Variants in SURF4 observed in about 807,000 individuals in gnomAD.
The protein encoded by SURF4 is surfeit locus protein 4.
In SURF4, 3 loss-of-function variants were observed where a neutral mutation model predicts 30.0. The observed-to-expected ratio is 0.10, with a 90% CI of 0.05 to 0.26. The LOEUF is 0.26. Among genes scored for constraint, SURF4 ranks in the 10% least tolerant of loss-of-function variants. The pLI is 1.00. For missense variants in SURF4, 217 were observed against 350.8 expected (o/e 0.62, Z 3.05); for synonymous variants, 143 against 139.9 (o/e 1.02, Z -0.16).
intron 1 of SURF4, among the ~76,000 whole-genome samples, chr9:133,373,389 G>A (rs1216227205): frequency 6.6e-6 from 1 of 152,234 alleles, no homozygotes; most frequent in African/African-American, 2.4e-5. Context: ...AAGGTCAGGT[G>A]TTTGAGACCA....
In SURF4 at chr9:133,363,997, C is replaced by T. The variant is rs2130097825; in HGVS notation, c.544-238G>A. ...GAAGACTGAAGTTCCCAACTAGTAA[C>T]AGGCTGTGATTTACCAAGATGAATC... On this transcript the variant is annotated intron_variant, in intron 5 of 5. Coordinates refer to ENST00000371989, the MANE Select transcript of SURF4 (RefSeq NM_033161.4). The surrounding 1 kb of genome is among the most constrained non-coding windows in gnomAD (Gnocchi z 4.3). 4.2e-6 allele frequency: 3 copies of T among 707,838 alleles called. No homozygotes were observed. The highest frequency in any genetic ancestry group is 7.8e-6 in the Non-Finnish European group (3 of 382,754). The allele number at this position is 707,838 out of a possible 1,614,324, so 43.8% of individuals were successfully genotyped here. A position where few individuals can be genotyped will look rare whatever the true frequency, so the allele number is the denominator to read the frequency against.
At position 133,363,890 on chromosome 9, in the gene SURF4, C is replaced by G. The variant is rs2130095710; in HGVS notation, c.544-131G>C. The G allele has an allele frequency of 8.5e-7, 1 of 1,175,130 alleles. No homozygotes were observed. The highest frequency in any genetic ancestry group is 1.2e-6 in the Non-Finnish European group (1 of 800,720). The allele number at this position is 1,175,130 out of a possible 1,614,324, so 72.8% of individuals were successfully genotyped here. ...GCTGATGTAGCTACTGCTGAGACGGCTGCTGGTGCAAGTAGGGAGATAAAA... is the reference window on the plus strand; with the variant it reads ...GCTGATGTAGCTACTGCTGAGACGGGTGCTGGTGCAAGTAGGGAGATAAAA... On this transcript the variant is annotated intron_variant, in intron 5 of 5. Transcript: ENST00000371989. This position sits in a 1 kb window ranked among gnomAD's most constrained non-coding sequence, Gnocchi z 4.3.
chr9:133,369,808 C>G (rs1395556736), intron 1 of SURF4, among the ~76,000 whole-genome samples: 1 of 152,224 alleles, frequency 6.6e-6, no homozygotes, highest in East Asian at 1.9e-4. Flanking sequence ...GCTGGGAAGC[C>G]CCAGCAAGGA....
rs1836939466 is a variant in SURF4, at chr9:133,363,325, C to T, written c.*168G>A. 8.9e-7 allele frequency: 1 copy of T among 1,126,802 alleles called. No individual in the cohort carries two copies. Among genetic ancestry groups the T allele is most frequent in the South Asian group, 1.3e-5 (1 of 75,014 alleles). The allele number at this position is 1,126,802 out of a possible 1,614,324, so 69.8% of individuals were successfully genotyped here. On this transcript the variant is annotated 3_prime_UTR_variant, in exon 6 of 6. Transcript: ENST00000371989. The surrounding 1 kb of genome is among the most constrained non-coding windows in gnomAD (Gnocchi z 4.3). ...ACTGTGGCTCCAGAGCAGACTGAGC[C>T]ATCGATTCTCAGGTGTCTCTGCAAA... is the stretch of plus-strand genomic sequence containing the variant.
In SURF4 at chr9:133,363,664, A is replaced by G; in HGVS notation, c.639T>C (p.Phe213=). 4 of 1,614,262 alleles carry G rather than the reference A, an allele frequency of 2.5e-6. No individual in the cohort carries two copies. The South Asian group carries it at 3.3e-5, about 13-fold the overall frequency. Residue 213 remains phenylalanine, a synonymous_variant, in exon 6 of 6, where the codon TTT becomes TTC. Transcript: ENST00000371989. The surrounding 1 kb of genome is among the most constrained non-coding windows in gnomAD (Gnocchi z 4.3). ...LAALTLVVWL[F]AINVYFNAFW... ...AGGCGTTGAAATATACGTTGATGGC[A>G]AAGAGCCACACAACAAGAGTCAAAG...
intron 1 of SURF4, among the ~76,000 whole-genome samples, chr9:133,372,996 C>G (rs2130201709): frequency 6.6e-6 from 1 of 152,212 alleles, no homozygotes; most frequent in Non-Finnish European, 1.5e-5. Context: ...GATCATCTGA[C>G]GGCGGCAGCC....
In SURF4 at chr9:133,363,929, A is replaced by G. The variant is rs1259048100; in HGVS notation, c.544-170T>C. The G allele has an allele frequency of 7.3e-6, 6 of 824,170 alleles. No individual in the cohort carries two copies. The highest frequency in any genetic ancestry group is 8.3e-6 in the Non-Finnish European group (4 of 482,972). The allele number at this position is 824,170 out of a possible 1,614,324, so 51.1% of individuals were successfully genotyped here. ...AGGGAGATAAAAGCCAAAGGGAGGCAGGAGGCAATAAAGCACCAGCTTTGA... is the reference window on the plus strand; with the variant it reads ...AGGGAGATAAAAGCCAAAGGGAGGCGGGAGGCAATAAAGCACCAGCTTTGA... On this transcript the variant is annotated intron_variant, in intron 5 of 5. Coordinates refer to ENST00000371989, the MANE Select transcript of SURF4 (RefSeq NM_033161.4). The surrounding 1 kb of genome is among the most constrained non-coding windows in gnomAD (Gnocchi z 4.3).
At chr9:133,366,554 C>T in intron 3 of SURF4, 45 bp downstream of exon 3, 1 of 1,578,942 alleles carries the variant, frequency 6.3e-7, no homozygotes, top group Non-Finnish European at 8.7e-7. Flanking sequence ...AGCTCTGCTC[C>T]ACCAGAGCAA....
At position 133,363,841 on chromosome 9, in the gene SURF4, C is replaced by T. The variant is rs2130094240; in HGVS notation, c.544-82G>A. On this transcript the variant is annotated intron_variant, in intron 5 of 5. Transcript: ENST00000371989. The surrounding 1 kb of genome is among the most constrained non-coding windows in gnomAD (Gnocchi z 4.3). The stretch of plus-strand genomic sequence containing the variant: ...ATAAACAAAAGTTCCAGCTGCTGCA[C>T]GTCATGAAGTCTCTATCCATCAGGC... The T allele has an allele frequency of 3.3e-6, 5 of 1,536,960 alleles. No individual in the cohort carries two copies. Among genetic ancestry groups the T allele is most frequent in the East Asian group, 4.6e-5 (2 of 43,530 alleles).
intron 1 of SURF4, chr9:133,367,685 G>A (rs1258891757): frequency 2.9e-5 from 34 of 1,157,552 alleles, no homozygotes; most frequent in Non-Finnish European, 3.9e-5. Flanking sequence ...TGCATGACTT[G>A]ACGTTAGGCC....
At chr9:133,367,976 C>G (rs1056648306) in intron 1 of SURF4, among the ~76,000 whole-genome samples, 2 of 152,230 alleles carry the variant, frequency 1.3e-5, no homozygotes, top group African/African-American at 4.8e-5. Context: ...CTATGACGCA[C>G]GACATGTCTG....
rs1335452841 is a variant in SURF4 at position 133,375,166 on chromosome 9, C to T, written c.48+756G>A. 6.3e-6 allele frequency: 6 copies of T among 955,628 alleles called. No homozygotes were observed. The African/African-American group carries it at 1.1e-4, about 17-fold the overall frequency. The allele number at this position is 955,628 out of a possible 1,614,324, so 59.2% of individuals were successfully genotyped here. ...ACTTTGTAGGATCGGATCCTGTCCA[C>T]CCAGTTCCCGAATGCTCTCAACAGT... On this transcript the variant is annotated intron_variant, in intron 1 of 5. Transcript: ENST00000371989.
At chr9:133,365,302 T>G (rs1041488641) in intron 4 of SURF4, among the ~76,000 whole-genome samples, 1 of 152,156 alleles carries the variant, frequency 6.6e-6, no homozygotes, top group South Asian at 2.1e-4. Context: ...CGAGTCCTAG[T>G]CACAGCTTCA....
In SURF4 at chr9:133,375,993, GGCTCGCTC is replaced by G; in HGVS notation, c.-32_-25del. 2.5e-6 allele frequency: 3 copies of G among 1,223,834 alleles called. No homozygotes were observed. The highest frequency in any genetic ancestry group is 1.0e-6 in the Non-Finnish European group (1 of 980,444). 75.8% of individuals were successfully genotyped at this position (1,223,834 alleles called of 1,614,324 possible). On this transcript the variant is annotated 5_prime_UTR_variant, in exon 1 of 6. Coordinates refer to ENST00000371989, the MANE Select transcript of SURF4 (RefSeq NM_033161.4). Reference sequence around the variant, plus strand: ...ATGGCGACGGCGGGAGGCTCGGCTCGGCTCGCTCGCTCGCTCGCTGGCTCTCGCCCGTC... The same window carrying G: ...ATGGCGACGGCGGGAGGCTCGGCTCGGCTCGCTCGCTGGCTCTCGCCCGTC...
At position 133,362,622 on chromosome 9, in the gene SURF4, A is replaced by G. The variant is rs1019212190; in HGVS notation, c.*871T>C. On this transcript the variant is annotated 3_prime_UTR_variant, in exon 6 of 6. Coordinates refer to ENST00000371989, the MANE Select transcript of SURF4 (RefSeq NM_033161.4). The stretch of plus-strand genomic sequence containing the variant: ...CTCCAGTGCTGGGAGCTCCTGCCAC[A>G]CCCCCTGCCCACAGCGGCTGCGGCT... The G allele has an allele frequency of 1.3e-5, 2 of 152,560 alleles. No individual in the cohort carries two copies. The highest frequency in any genetic ancestry group is 4.8e-5 in the African/African-American group (2 of 41,366). The allele number at this position is 152,560 out of a possible 1,614,324, so 9.5% of individuals were successfully genotyped here. A position where few individuals can be genotyped will look rare whatever the true frequency, so the allele number is the denominator to read the frequency against.
intron 5 of SURF4, 64 bp downstream of exon 5, chr9:133,364,775 AG>A: frequency 1.5e-6 from 2 of 1,342,392 alleles, no homozygotes; most frequent in Non-Finnish European, 2.0e-6. Context: ...GTGAGCAGGG[AG>A]GGGGTGGGGG....
At chr9:133,366,766 G>T in intron 2 of SURF4, 91 bp from the exon 3 acceptor site, 1 of 1,243,700 alleles carries the variant, frequency 8.0e-7, no homozygotes, top group Non-Finnish European at 1.1e-6. Flanking sequence ...TGGCCCTTAG[G>T]TCCAGAGGCA....
chr9:133,371,027 T>C, intron 1 of SURF4: 1 of 1,277,896 alleles, frequency 7.8e-7, no homozygotes, highest in South Asian at 1.2e-5. Flanking sequence ...AAGGGGATTT[T>C]AGAAACGTAA....
upstream of SURF4, chr9:133,376,187 C>G (rs1455685850): frequency 8.0e-7 from 1 of 1,250,130 alleles, no homozygotes; most frequent in Non-Finnish European, 1.0e-6. Context: ...CGCGCCATCC[C>G]CAGCCTCCCG....
Sources: allele counts gnomAD v4.1 joint callset (sites outside exome capture counted in the v4.1 genomes callset), GRCh38; gene constraint gnomAD v4.1.1; non-coding constraint Gnocchi (gnomAD v3.1); transcripts MANE v1.5; gene names NCBI Gene and HGNC (gene_info 2026-07-23, HGNC 2026-07-21).